The following POLD3 variants were observed in gnomAD, a reference collection of about 807,000 sequenced individuals.
The protein encoded by POLD3 is DNA polymerase delta subunit 3.
POLD3 carries 19 observed loss-of-function variants against 58.2 expected under a neutral mutation model. The ratio of observed to expected loss-of-function variants is 0.33; its 90% CI spans 0.23 to 0.48. POLD3 has a LOEUF of 0.48. Ranked by LOEUF, POLD3 falls within the 20% of genes least tolerant of loss-of-function variation. POLD3 has a pLI of 0.99. For missense variants in POLD3, 504 were observed against 545.5 expected, an observed-to-expected ratio of 0.92 and a Z score of 0.76; for synonymous variants, 172 against 193.5, an observed-to-expected ratio of 0.89 and a Z score of 0.92.
intron 4 of POLD3, among the ~76,000 whole-genome samples, chr11:74,653,719 ACACTT>A (rs1375958533): frequency 6.6e-6 from 1 of 152,254 alleles, no homozygotes; most frequent in African/African-American, 2.4e-5. Flanking sequence ...AATGGAATGA[ACACTT>A]CAATTAAAAG....
chr11:74,645,490 T>A (rs1195727129), downstream of POLD3, among the ~76,000 whole-genome samples: 7 of 152,220 alleles, frequency 4.6e-5, no homozygotes, highest in Admixed American at 4.6e-4. Flanking sequence ...GATGCCGGGA[T>A]GGAAACAACA....
At chr11:74,596,014 A>G (rs998489145) in intron 2 of POLD3, among the ~76,000 whole-genome samples, 2 of 133,336 alleles carry the variant, frequency 1.5e-5, no homozygotes, top group Admixed American at 8.8e-5. Context: ...AAAATGATTA[A>G]ATTTTTTTTA....
chr11:74,635,124 G>A (rs2032710072), intron 10 of POLD3, among the ~76,000 whole-genome samples: 2 of 152,054 alleles, frequency 1.3e-5, no homozygotes, highest in African/African-American at 2.4e-5. Flanking sequence ...CAACCAAAGG[G>A]GAAATATAGC....
At chr11:74,667,259 G>A (rs186983467) in intron 4 of POLD3, among the ~76,000 whole-genome samples, 117 of 152,316 alleles carry the variant, frequency 7.7e-4, no homozygotes, top group African/African-American at 2.6e-3. Flanking sequence ...TTAAGGGCCC[G>A]GCGTGGTGGC....
chr11:74,596,656 G>GAATAT (rs71065098), intron 2 of POLD3, among the ~76,000 whole-genome samples: 47,685 of 151,700 alleles, frequency 0.31, 7,743 homozygotes, highest in African/African-American at 0.41. Flanking sequence ...CATTTTTCAA[G>GAATAT]AATATATCAT....
intron 2 of POLD3, among the ~76,000 whole-genome samples, chr11:74,597,338 T>C (rs1272023740): frequency 6.6e-6 from 1 of 152,248 alleles, no homozygotes; most frequent in African/African-American, 2.4e-5. Flanking sequence ...TTTACTCCTG[T>C]GCTTTTTTCT....
At chr11:74,649,732 G>A (rs950007139) in intron 4 of POLD3, among the ~76,000 whole-genome samples, 6 of 152,124 alleles carry the variant, frequency 3.9e-5, no homozygotes, top group Admixed American at 1.3e-4. Flanking sequence ...TTTTGGCCAC[G>A]TGCGGTGGTT....
At chr11:74,600,412 C>T (rs1040600105) in intron 2 of POLD3, among the ~76,000 whole-genome samples, 2 of 152,150 alleles carry the variant, frequency 1.3e-5, no homozygotes, top group African/African-American at 4.8e-5. Flanking sequence ...CCTCCTGCTT[C>T]TGCCTCCCTG....
downstream of POLD3, among the ~76,000 whole-genome samples, chr11:74,645,149 CATT>C (rs1386557606): frequency 1.3e-5 from 2 of 152,148 alleles, no homozygotes; most frequent in Non-Finnish European, 2.9e-5. Flanking sequence ...TTAGGATAAT[CATT>C]ATGGGCAAAA....
chr11:74,595,331 G>A (rs1038829856), intron 2 of POLD3: 1 of 152,064 alleles, frequency 6.6e-6, no homozygotes, highest in Non-Finnish European at 1.5e-5. Flanking sequence ...CATCCTAGTG[G>A]ATGTGAAGTG....
Position 74,625,531 on chromosome 11 carries a change from A to G in POLD3, c.857A>G (p.Lys286Arg). Reference protein sequence around the residue: ...ATPAGLKKSSKKAEPVKVLQK... With the variant: ...ATPAGLKKSSRKAEPVKVLQK... The stretch of plus-strand genomic sequence containing the variant: ...CCTGCAGGCCTGAAAAAATCCAGCA[A>G]AAAAGCAGAGCCTGTTAAGGTGCTG... Residue 286 changes from lysine (K) to arginine (R), a missense_variant, in exon 8 of 12, where the codon AAA (lysine) becomes AGA (arginine). Coordinates refer to ENST00000263681, the MANE Select transcript of POLD3 (RefSeq NM_006591.3). The G allele has an allele frequency of 6.2e-7, 1 of 1,613,942 alleles. No individual in the cohort carries two copies. The highest frequency in any genetic ancestry group is 8.5e-7 in the Non-Finnish European group (1 of 1,179,914).
chr11:74,665,272 C>A, intron 4 of POLD3, among the ~76,000 whole-genome samples: 1 of 146,542 alleles, frequency 6.8e-6, no homozygotes. Context: ...TGCAGTGAGC[C>A]AAGATTGTGC....
intron 11 of POLD3, among the ~76,000 whole-genome samples, chr11:74,639,128 C>G (rs1160130547): frequency 6.6e-6 from 1 of 152,142 alleles, no homozygotes; most frequent in Non-Finnish European, 1.5e-5. Flanking sequence ...GTCCCCAGAC[C>G]AGCAGCATCA....
At chr11:74,596,603 CAGTT>C (rs2031268295) in intron 2 of POLD3, among the ~76,000 whole-genome samples, 1 of 152,176 alleles carries the variant, frequency 6.6e-6, no homozygotes, top group Admixed American at 6.5e-5. Flanking sequence ...TTACATCACA[CAGTT>C]ATTTTGGTGG....
chr11:74,656,203 G>A (rs971808550), intron 4 of POLD3, among the ~76,000 whole-genome samples: 4 of 152,142 alleles, frequency 2.6e-5, no homozygotes, highest in African/African-American at 7.2e-5. Flanking sequence ...CTTTTTTAAT[G>A]TAGGTGCTTA....
intron 2 of POLD3, among the ~76,000 whole-genome samples, chr11:74,603,512 G>A (rs551413518): frequency 3.0e-4 from 45 of 152,210 alleles, no homozygotes; most frequent in African/African-American, 1.1e-3. Context: ...CAGGATGGTT[G>A]GTTTTGTCAC....
intron 2 of POLD3, among the ~76,000 whole-genome samples, chr11:74,597,457 G>A (rs1034178373): frequency 2.6e-5 from 4 of 152,084 alleles, no homozygotes; most frequent in African/African-American, 9.7e-5. Context: ...GTGCTTGTTA[G>A]CATCATTATT....
In POLD3 at chr11:74,658,644, T is replaced by C. The variant is rs184744619; in HGVS notation, c.370-10133T>C. 2.5e-4 allele frequency among the ~76,000 whole-genome samples: 38 copies of C among 152,228 alleles called. No homozygotes were observed. The East Asian group carries it at 7.1e-3, about 29-fold the overall frequency. On this transcript the variant is annotated intron_variant, in intron 4 of 4. Coordinates refer to the POLD3 transcript ENST00000524752. ...TACAGCCATTCCAAATGGGAGAAAT[T>C]CACAAAAACAAAGGGGTTACAGGGT...
intron 4 of POLD3, among the ~76,000 whole-genome samples, chr11:74,612,035 G>A (rs2031931104): frequency 6.6e-6 from 1 of 152,204 alleles, no homozygotes; most frequent in Admixed American, 6.5e-5. Flanking sequence ...TATATCTCAA[G>A]ATAAAACCTG....
Sources: gnomAD v4.1 joint callset for allele counts (sites outside exome capture counted in the v4.1 genomes callset) on GRCh38, gnomAD v4.1.1 for gene constraint, MANE v1.5 for transcripts, NCBI Gene and HGNC (gene_info 2026-07-23, HGNC 2026-07-21) for gene names.